LRRC4C: variants seen among roughly 807,000 people sequenced by gnomAD.
LRRC4C encodes leucine-rich repeat-containing protein 4C.
In LRRC4C, 5 loss-of-function variants were observed where a neutral mutation model predicts 33.6. The ratio of observed to expected loss-of-function variants is 0.15; its 90% CI spans 0.08 to 0.31. LRRC4C has a LOEUF of 0.31. Among genes scored for constraint, LRRC4C ranks in the 10% least tolerant of loss-of-function variants. The probability of loss-of-function intolerance (pLI) is 1.00; values close to 1 mark genes in which losing one functional copy is unlikely to be tolerated. For synonymous variants in LRRC4C, 329 were observed against 302.0 expected, an observed-to-expected ratio of 1.09 and a Z score of -0.93; for missense variants, 560 against 796.7, an observed-to-expected ratio of 0.70 and a Z score of 3.58.
intron 2 of LRRC4C, among the ~76,000 whole-genome samples, chr11:40,865,983 T>A (rs900038898): frequency 6.6e-6 from 1 of 152,056 alleles, no homozygotes; most frequent in Admixed American, 6.6e-5. Context: ...ATGAAGATTT[T>A]ATTCTATTAA....
At chr11:40,360,568 T>C (rs1947903185) in intron 3 of LRRC4C, among the ~76,000 whole-genome samples, 1 of 152,178 alleles carries the variant, frequency 6.6e-6, no homozygotes, top group Non-Finnish European at 1.5e-5. Flanking sequence ...TAATGAACTC[T>C]AGACTGTGCA....
At chr11:40,506,402 A>G (rs1955035091) in intron 3 of LRRC4C, among the ~76,000 whole-genome samples, 3 of 152,188 alleles carry the variant, frequency 2.0e-5, no homozygotes, top group Non-Finnish European at 4.4e-5. Flanking sequence ...CTTCCTTCAC[A>G]CAGTTTCAGT....
intron 1 of LRRC4C, among the ~76,000 whole-genome samples, chr11:41,421,424 G>A (rs1954869823): frequency 6.6e-6 from 1 of 152,038 alleles, no homozygotes; most frequent in African/African-American, 2.4e-5. Flanking sequence ...ACAGGAATAT[G>A]GGAGAAGCAT....
intron 1 of LRRC4C, among the ~76,000 whole-genome samples, chr11:41,297,820 G>A (rs1950183905): frequency 6.6e-6 from 1 of 152,126 alleles, no homozygotes; most frequent in Admixed American, 6.5e-5. Context: ...AGATAGATCA[G>A]GAAGCATATT....
chr11:40,423,510 A>G (rs1209301124), intron 3 of LRRC4C, among the ~76,000 whole-genome samples: 5 of 151,632 alleles, frequency 3.3e-5, no homozygotes, highest in Non-Finnish European at 7.4e-5. Context: ...ACGCCCGGCT[A>G]ATTTTTTGTA....
chr11:40,613,477 A>G (rs1030204109), intron 3 of LRRC4C, among the ~76,000 whole-genome samples: 2 of 151,596 alleles, frequency 1.3e-5, no homozygotes, highest in African/African-American at 4.8e-5. Flanking sequence ...CCCACTTCCA[A>G]CTCTGGTTCT....
At chr11:41,292,023 G>A (rs770955245) in intron 1 of LRRC4C, among the ~76,000 whole-genome samples, 3 of 152,038 alleles carry the variant, frequency 2.0e-5, no homozygotes, top group East Asian at 3.9e-4. Flanking sequence ...ACCCCTTCCC[G>A]AACCAGGTTG....
intron 3 of LRRC4C, among the ~76,000 whole-genome samples, chr11:40,569,670 T>C (rs1053396129): frequency 1.3e-5 from 2 of 152,158 alleles, no homozygotes; most frequent in African/African-American, 4.8e-5. Flanking sequence ...TTAAATGATA[T>C]CATACATATA....
At chr11:40,961,330 A>G (rs1850964033) in intron 1 of LRRC4C, among the ~76,000 whole-genome samples, 2 of 151,624 alleles carry the variant, frequency 1.3e-5, no homozygotes, top group Admixed American at 1.3e-4. Context: ...TGCCTGAAAC[A>G]TTGAGGCTCC....
intron 3 of LRRC4C, among the ~76,000 whole-genome samples, chr11:40,605,247 T>A (rs1227348419): frequency 6.6e-6 from 1 of 152,104 alleles, no homozygotes. Flanking sequence ...ATTCCCTTAA[T>A]GTGCTTTGAG....
chr11:41,210,858 G>T (rs996842514), intron 1 of LRRC4C, among the ~76,000 whole-genome samples: 1 of 152,168 alleles, frequency 6.6e-6, no homozygotes, highest in Non-Finnish European at 1.5e-5. Flanking sequence ...ACTGATGGGG[G>T]TTGGGAGTGG....
chr11:41,428,552 G>A (rs1955122919), intron 1 of LRRC4C, among the ~76,000 whole-genome samples: 1 of 152,066 alleles, frequency 6.6e-6, no homozygotes, highest in Non-Finnish European at 1.5e-5. Context: ...ATTGTTGTTA[G>A]AACAAAAATT....
At chr11:40,336,180 G>C (rs1297313006) in intron 3 of LRRC4C, among the ~76,000 whole-genome samples, 1 of 152,156 alleles carries the variant, frequency 6.6e-6, no homozygotes, top group African/African-American at 2.4e-5. Context: ...ACCTTCTAAC[G>C]TAACTGTGAC....
intron 1 of LRRC4C, among the ~76,000 whole-genome samples, chr11:40,936,655 C>CA (rs1232748673): frequency 6.6e-6 from 1 of 152,032 alleles, no homozygotes; most frequent in African/African-American, 2.4e-5. Context: ...CACTTTCAAG[C>CA]ACTTACCATA....
intron 2 of LRRC4C, among the ~76,000 whole-genome samples, chr11:40,845,971 T>C (rs1027639906): frequency 6.6e-6 from 1 of 152,062 alleles, no homozygotes; most frequent in Admixed American, 6.6e-5. Flanking sequence ...GCTGCATAAA[T>C]GTCTTCTTTT....
intron 4 of LRRC4C, among the ~76,000 whole-genome samples, chr11:40,282,110 A>G (rs1356870476): frequency 2.0e-5 from 3 of 152,284 alleles, no homozygotes; most frequent in Admixed American, 2.0e-4. Context: ...GCACTTTTGG[A>G]GGCCGAGGCT....
chr11:41,097,975 G>A (rs567030087), intron 1 of LRRC4C, among the ~76,000 whole-genome samples: 33 of 151,590 alleles, frequency 2.2e-4, no homozygotes, highest in Non-Finnish European at 3.7e-4. Flanking sequence ...GCTTTCCTCC[G>A]TCTGTGTCCC....
intron 2 of LRRC4C, among the ~76,000 whole-genome samples, chr11:40,855,805 A>G (rs1225584514): frequency 6.6e-6 from 1 of 152,056 alleles, no homozygotes; most frequent in Admixed American, 6.6e-5. Flanking sequence ...TATAAACTTA[A>G]CTTAAAGGTA....
At chr11:40,644,928 G>A (rs1044422448) in intron 3 of LRRC4C, among the ~76,000 whole-genome samples, 5 of 150,668 alleles carry the variant, frequency 3.3e-5, no homozygotes, top group Admixed American at 6.6e-5. Context: ...AGGGGGAACA[G>A]GCACTCGGGA....
Sources: gnomAD v4.1 joint callset for allele counts (sites outside exome capture counted in the v4.1 genomes callset) on GRCh38, gnomAD v4.1.1 for gene constraint, MANE v1.5 for transcripts, NCBI Gene and HGNC (gene_info 2026-07-23, HGNC 2026-07-21) for gene names.